Variants in UBR1 observed in about 807,000 individuals in gnomAD.
UBR1 encodes ubiquitin protein ligase E3 component n-recognin 1, also known as E3 ubiquitin-protein ligase UBR1.
UBR1 carries 102 observed loss-of-function variants against 242.1 expected under a neutral mutation model. The observed-to-expected ratio is 0.42, with a 90% CI of 0.36 to 0.50. The LOEUF (loss-of-function observed/expected upper bound fraction) is 0.50. Among genes scored for constraint, UBR1 ranks in the 20% least tolerant of loss-of-function variants. UBR1 has a pLI of 0.01. For missense variants in UBR1, 1,772 were observed against 2,101.8 expected (o/e 0.84, Z 3.07); for synonymous variants, 675 against 684.8 (o/e 0.99, Z 0.22).
At chr15:42,982,427 T>G (rs1305233456) in intron 37 of UBR1, among the ~76,000 whole-genome samples, 2 of 152,062 alleles carry the variant, frequency 1.3e-5, no homozygotes, top group African/African-American at 4.8e-5. Context: ...GGGAAAAAAG[T>G]AAGTGAAAGA....
At chr15:43,083,957 T>C (rs1045047260) in intron 2 of UBR1, among the ~76,000 whole-genome samples, 5 of 151,770 alleles carry the variant, frequency 3.3e-5, no homozygotes, top group African/African-American at 9.7e-5. Flanking sequence ...GGCAGGAAAA[T>C]TGCTTGAACC....
At chr15:42,950,140 C>T (rs2031807302) in intron 46 of UBR1, 122 bp downstream of exon 46, 2 of 959,066 alleles carry the variant, frequency 2.1e-6, no homozygotes, top group Non-Finnish European at 3.3e-6. Context: ...TGTCTGGCCT[C>T]AATTACCTTT....
At chr15:43,095,513 C>G (rs2034148776) in intron 1 of UBR1, among the ~76,000 whole-genome samples, 1 of 146,700 alleles carries the variant, frequency 6.8e-6, no homozygotes, top group African/African-American at 2.5e-5. Context: ...TCCATAAGCA[C>G]TCAGATTAGA....
chr15:43,007,250 A>G lies in UBR1; in HGVS notation c.3244T>C (p.Leu1082=), dbSNP rs2032846934. 7 of 1,614,142 alleles carry G rather than the reference A, an allele frequency of 4.3e-6. No individual in the cohort carries two copies. The highest frequency in any genetic ancestry group is 4.2e-6 in the Non-Finnish European group (5 of 1,180,030). The part of the protein sequence containing the change: ...PAVSDYSRIA[L]GPKRGPSVTE... ...ACAGATGGACCCCGTTTAGGACCCAAAGCAATTCTAGAGTAGTCACTGACT... is the reference window on the plus strand; with the variant it reads ...ACAGATGGACCCCGTTTAGGACCCAGAGCAATTCTAGAGTAGTCACTGACT... Residue 1082 remains leucine, a synonymous_variant, in exon 30 of 47, where the codon TTG becomes CTG. Transcript: ENST00000290650.
At chr15:43,060,941 GAA>G (rs11302662) in intron 6 of UBR1, among the ~76,000 whole-genome samples, 95 of 125,194 alleles carry the variant, frequency 7.6e-4, no homozygotes, top group Middle Eastern at 4.0e-3. Flanking sequence ...TGCCATTACA[GAA>G]AAAAAAAAAA....
chr15:43,032,476 T>C (rs1455104442), intron 20 of UBR1, 92 bp downstream of exon 20: 1 of 865,970 alleles, frequency 1.2e-6, no homozygotes, highest in Non-Finnish European at 1.9e-6. Context: ...AGTATACGAA[T>C]AAGGAGTAAA....
At position 43,017,191 on chromosome 15, in the gene UBR1, A is replaced by C. The variant is rs1196442320; in HGVS notation, c.2941-10T>G. ...TCACTGTGTCAAACATCTGTGAAAA[A>C]CAGATGAAACGTTAAAAGAGTTAGT... On this transcript the variant is annotated splice_polypyrimidine_tract_variant and intron_variant, in intron 27 of 46. Transcript: ENST00000290650. 1.9e-6 allele frequency: 3 copies of C among 1,600,754 alleles called. No individual in the cohort carries two copies. In the African/African-American group the frequency reaches 4.0e-5, roughly 21 times the overall value.
chr15:43,015,767 A>C lies in UBR1; in HGVS notation c.3130T>G (p.Phe1044Val). The change falls in exon 29 of 47, where the codon TTC becomes GTC. Residue 1044 changes from phenylalanine (F) to valine (V), a missense_variant. Around this residue, in one of 3 missense-constraint regions of UBR1, gnomAD observed 965 missense variants for 1,079.7 expected, o/e 0.89. Coordinates refer to ENST00000290650, the MANE Select transcript of UBR1 (RefSeq NM_174916.3). ...MAQMSALQKN[F>V]IETHKLMYDN... is the part of the protein sequence containing the mutation. Reference sequence around the variant, plus strand: ...TACATGAGTTTATGAGTTTCAATGAAGTTTTTCTGTAAGGCAGACATCTGA... The same window carrying C: ...TACATGAGTTTATGAGTTTCAATGACGTTTTTCTGTAAGGCAGACATCTGA... The C allele has an allele frequency of 6.2e-7, 1 of 1,614,126 alleles. No homozygotes were observed.
intron 6 of UBR1, among the ~76,000 whole-genome samples, chr15:43,067,246 C>T (rs1479120328): frequency 6.6e-6 from 1 of 151,782 alleles, no homozygotes; most frequent in Non-Finnish European, 1.5e-5. Flanking sequence ...ACTCCGTTTG[C>T]TTTTTCATTA....
chr15:43,090,263 T>C (rs2034091452), intron 1 of UBR1, among the ~76,000 whole-genome samples: 1 of 152,106 alleles, frequency 6.6e-6, no homozygotes, highest in Non-Finnish European at 1.5e-5. Flanking sequence ...AATATTATAT[T>C]TACATTTACA....
In UBR1 at chr15:43,046,998, A is replaced by G. The variant is rs756248421; in HGVS notation, c.1668+163T>C. 5.9e-5 allele frequency among the ~76,000 whole-genome samples: 9 copies of G among 152,330 alleles called. No individual in the cohort carries two copies. In the South Asian group the frequency reaches 1.7e-3, roughly 28 times the overall value. ...CACAGGGCACATTTTCTACTCAAGT[A>G]TATACAGTTTCCCCCTAAATTTAAA... On this transcript the variant is annotated intron_variant, in intron 14 of 46. Transcript: ENST00000290650.
chr15:43,064,088 A>T (rs2033723023), intron 6 of UBR1, among the ~76,000 whole-genome samples: 1 of 152,242 alleles, frequency 6.6e-6, no homozygotes, highest in African/African-American at 2.4e-5. Context: ...CTTTGAAGGT[A>T]GATTCAATCT....
chr15:43,074,474 G>C (rs1353559032), intron 4 of UBR1, among the ~76,000 whole-genome samples: 1 of 152,104 alleles, frequency 6.6e-6, no homozygotes, highest in Non-Finnish European at 1.5e-5. Context: ...TGTCGCCCAG[G>C]ATGGAGTGCA....
chr15:43,014,340 C>T (rs1032791693), intron 29 of UBR1, among the ~76,000 whole-genome samples: 9 of 152,164 alleles, frequency 5.9e-5, no homozygotes, highest in South Asian at 2.1e-4. Flanking sequence ...TGCCTGGCCG[C>T]GCATCGTCTG....
chr15:43,102,497 T>C (rs1026640579), intron 1 of UBR1, among the ~76,000 whole-genome samples: 2 of 152,132 alleles, frequency 1.3e-5, no homozygotes, highest in African/African-American at 2.4e-5. Context: ...ATCCCCTAGG[T>C]AGAGGTTATA....
At chr15:42,972,577 G>GCC (rs1405949414) in intron 39 of UBR1, among the ~76,000 whole-genome samples, 1 of 151,998 alleles carries the variant, frequency 6.6e-6, no homozygotes, top group Admixed American at 6.6e-5. Flanking sequence ...CACCATGCTG[G>GCC]CCAGGCTAGT....
intron 31 of UBR1, chr15:43,003,447 G>A (rs2032757014): frequency 9.9e-6 from 3 of 302,544 alleles, no homozygotes; most frequent in Admixed American, 4.6e-5. Context: ...GTAGAGACAG[G>A]GTTTTACCAC....
chr15:43,030,090 A>C lies in UBR1; in HGVS notation c.2255-22T>G, dbSNP rs1371797181. On this transcript the variant is annotated intron_variant, in intron 20 of 46. Transcript: ENST00000290650. ...TCACCTAGTTCAAATAATTAAAAAC[A>C]AAAAAAAAGTAGAATAATTATTTTC... 7 of 1,564,914 alleles carry C rather than the reference A, an allele frequency of 4.5e-6. No homozygotes were observed. The African/African-American group carries it at 6.8e-5, about 15-fold the overall frequency.
chr15:43,000,724 T>C (rs578157711), intron 32 of UBR1, among the ~76,000 whole-genome samples: 1 of 152,342 alleles, frequency 6.6e-6, no homozygotes, highest in Admixed American at 6.5e-5. Flanking sequence ...AATATATTAA[T>C]TACTCAAATC....
Sources: gnomAD v4.1 joint callset for allele counts (sites outside exome capture counted in the v4.1 genomes callset) on GRCh38, gnomAD v4.1.1 for gene constraint, gnomAD v4.1.1 regional missense constraint, MANE v1.5 for transcripts, NCBI Gene and HGNC (gene_info 2026-07-23, HGNC 2026-07-21) for gene names.